The following INSL6 variants were observed in gnomAD, a reference collection of about 807,000 sequenced individuals.
INSL6 encodes the protein insulin-like peptide INSL6.
INSL6 carries 16 observed loss-of-function variants against 9.4 expected under a neutral mutation model. The observed-to-expected ratio is 1.70, with a 90% CI of 1.15 to 2.59. The LOEUF (loss-of-function observed/expected upper bound fraction) is 2.59, where lower values mean the gene tolerates loss of function less well. INSL6 is among the 30% of genes most tolerant of loss of function. The probability of loss-of-function intolerance (pLI) is 0.00; values close to 1 mark genes in which losing one functional copy is unlikely to be tolerated. For missense variants in INSL6, 391 were observed against 257.3 expected (o/e 1.52, Z -3.56); for synonymous variants, 154 against 96.9 (o/e 1.59, Z -3.46).
chr9:5,030,979 A>T, the INSL6 span, among the ~76,000 whole-genome samples: 1 of 152,296 alleles, frequency 6.6e-6, no homozygotes, highest in South Asian at 2.1e-4. Context: ...GATAAAGAAG[A>T]TCCTATGCAG....
chr9:5,079,296 CTA>C, the INSL6 span, among the ~76,000 whole-genome samples: 1 of 152,152 alleles, frequency 6.6e-6, no homozygotes, highest in Non-Finnish European at 1.5e-5. Flanking sequence ...GTCTGTCTGT[CTA>C]TGTCAGAATA....
chr9:5,054,764 A>G, the INSL6 span: 1 of 1,613,208 alleles, frequency 6.2e-7, no homozygotes, highest in South Asian at 1.1e-5. The surrounding 1 kb of genome is among the most constrained non-coding windows in gnomAD (Gnocchi z 4.9). Flanking sequence ...AATTTGAAGT[A>G]AAAGAACCTG....
chr9:5,117,004 A>AT, the INSL6 span, among the ~76,000 whole-genome samples: 1 of 152,244 alleles, frequency 6.6e-6, no homozygotes, highest in Non-Finnish European at 1.5e-5. Context: ...CATGAATGGG[A>AT]TTAAGGCCCT....
intron 2 of INSL6, among the ~76,000 whole-genome samples, chr9:5,153,863 G>T (rs952875017): frequency 6.6e-6 from 1 of 152,342 alleles, no homozygotes. Flanking sequence ...CTCATGGATA[G>T]AAAGAATCAA....
chr9:5,131,435 A>ATTTTTTTTTTTTTTT lies in INSL6; in HGVS notation c.*10+1975_*10+1989dup, dbSNP rs550915336. 2.4e-4 allele frequency among the ~76,000 whole-genome samples: 28 copies of ATTTTTTTTTTTTTTT among 115,832 alleles called. 3 individuals carry two copies. The highest frequency in any genetic ancestry group is 1.0e-3 in the African/African-American group (26 of 24,954). The allele number at this position is 115,832 out of a possible 152,430, so 76.0% of individuals were successfully genotyped here. A position where few individuals can be genotyped will look rare whatever the true frequency, so the allele number is the denominator to read the frequency against. On this transcript the variant is annotated intron_variant, in intron 3 of 3. Coordinates refer to the INSL6 transcript ENST00000649639. ...AATTCTTTAACACCACCAGTTAACA[A>ATTTTTTTTTTTTTTT]TTTTTTTTTTTTTTTTTTTGAGACA...
chr9:5,070,934 A>C, the INSL6 span, among the ~76,000 whole-genome samples: 1 of 152,188 alleles, frequency 6.6e-6, no homozygotes, highest in African/African-American at 2.4e-5. Flanking sequence ...TCCCTGAGTA[A>C]AACCAGGACA....
At chr9:5,125,161 T>C (rs1490170169) in intron 3 of INSL6, among the ~76,000 whole-genome samples, 2 of 151,192 alleles carry the variant, frequency 1.3e-5, no homozygotes, top group Non-Finnish European at 3.0e-5. Context: ...CACCTCAATA[T>C]TGTGGTATGT....
intron 3 of INSL6, chr9:5,127,572 A>ACTAT (rs1586849851): frequency 8.6e-6 from 2 of 231,486 alleles, no homozygotes; most frequent in African/African-American, 4.4e-5. Flanking sequence ...TTTAAATGGA[A>ACTAT]CTATCTCCAA....
At chr9:5,145,758 A>T (rs1299487056) in intron 2 of INSL6, among the ~76,000 whole-genome samples, 1 of 151,954 alleles carries the variant, frequency 6.6e-6, no homozygotes, top group Non-Finnish European at 1.5e-5. Flanking sequence ...AATACTTGGG[A>T]TTGCATTATG....
chr9:5,076,835 C>T, the INSL6 span, among the ~76,000 whole-genome samples: 1 of 151,996 alleles, frequency 6.6e-6, no homozygotes, highest in Non-Finnish European at 1.5e-5. Context: ...TGGTTTGGAA[C>T]CTGTTATATG....
chr9:5,092,042 A>G, the INSL6 span, among the ~76,000 whole-genome samples: 1 of 152,122 alleles, frequency 6.6e-6, no homozygotes, highest in African/African-American at 2.4e-5. Flanking sequence ...ATTATCATTA[A>G]TAACAATCAG....
chr9:5,092,349 T>C, the INSL6 span, among the ~76,000 whole-genome samples: 1 of 152,094 alleles, frequency 6.6e-6, no homozygotes. Flanking sequence ...TCTCTATACA[T>C]GAATAGAGGA....
intron 2 of INSL6, among the ~76,000 whole-genome samples, chr9:5,155,853 G>A (rs1824806158): frequency 6.6e-6 from 1 of 151,724 alleles, no homozygotes; most frequent in Admixed American, 6.6e-5. Context: ...AACCACCATG[G>A]CACGTGTATA....
At chr9:5,111,430 G>C in the INSL6 span, 2 of 397,408 alleles carry the variant, frequency 5.0e-6, no homozygotes, top group Admixed American at 3.3e-5. Flanking sequence ...CGAAGGTCGG[G>C]AAGGTCCCGC....
the INSL6 span, among the ~76,000 whole-genome samples, chr9:5,103,726 C>T: frequency 2.0e-5 from 3 of 152,154 alleles, no homozygotes; most frequent in Non-Finnish European, 2.9e-5. Context: ...GCTCTCAGAG[C>T]ACAGTGCAAT....
the INSL6 span, among the ~76,000 whole-genome samples, chr9:5,016,944 A>G: frequency 2.6e-5 from 4 of 152,332 alleles, no homozygotes; most frequent in South Asian, 8.3e-4. Context: ...GAATAGAAAA[A>G]AGACATGAAT....
chr9:5,035,933 G>A, the INSL6 span, among the ~76,000 whole-genome samples: 1 of 152,208 alleles, frequency 6.6e-6, no homozygotes, highest in African/African-American at 2.4e-5. Context: ...AAAAGAGGAA[G>A]TCAAATTGTC....
At chr9:5,091,048 T>A in the INSL6 span, 1 of 646,638 alleles carries the variant, frequency 1.5e-6, no homozygotes, top group Non-Finnish European at 2.6e-6. Flanking sequence ...CATTTAACTT[T>A]TTTTTTTTAG....
At chr9:5,054,918 AT>A in the INSL6 span, 4 of 1,420,628 alleles carry the variant, frequency 2.8e-6, no homozygotes, top group Non-Finnish European at 3.8e-6. The surrounding 1 kb of genome is among the most constrained non-coding windows in gnomAD (Gnocchi z 4.9). Context: ...GTTCTTTGTT[AT>A]TTTAAGTACA....
Sources: allele counts gnomAD v4.1 joint callset (sites outside exome capture counted in the v4.1 genomes callset), GRCh38; gene constraint gnomAD v4.1.1; non-coding constraint Gnocchi (gnomAD v3.1); transcripts MANE v1.5; gene names NCBI Gene and HGNC (gene_info 2026-07-23, HGNC 2026-07-21).